The following CDYL variants were observed in gnomAD, a reference collection of about 807,000 sequenced individuals.
The protein encoded by CDYL is chromodomain Y like, also known as chromodomain Y-like protein.
A neutral mutation model predicts 47.3 loss-of-function variants in CDYL; 8 were observed. That is an observed-to-expected ratio of 0.17 (90% CI 0.10 to 0.31). The LOEUF (loss-of-function observed/expected upper bound fraction) is 0.31, where lower values mean the gene tolerates loss of function less well. CDYL is among the 10% of genes least tolerant of loss of function. The pLI, the probability that CDYL is intolerant of heterozygous loss-of-function variation, is 1.00. For synonymous variants in CDYL, 266 were observed against 265.0 expected (o/e 1.00, Z -0.04); for missense variants, 471 against 701.4 (o/e 0.67, Z 3.71).
At chr6:4,937,502 A>T (rs1758233795) in intron 3 of CDYL, 63 bp from the exon 4 acceptor site, 2 of 1,337,248 alleles carry the variant, frequency 1.5e-6, no homozygotes, top group Non-Finnish European at 2.0e-6. Context: ...TCCAAAAAAA[A>T]AAATGCTTTA....
intron 3 of CDYL, chr6:4,734,927 T>C (rs1757675477): frequency 6.4e-6 from 10 of 1,572,826 alleles, no homozygotes; most frequent in Admixed American, 3.6e-5. Flanking sequence ...CACACCACAC[T>C]CTCCCTTTAC....
At chr6:4,944,110 A>G (rs904757980) in intron 5 of CDYL, among the ~76,000 whole-genome samples, 6 of 152,248 alleles carry the variant, frequency 3.9e-5, no homozygotes, top group Non-Finnish European at 8.8e-5. Flanking sequence ...GCAAAGTTAC[A>G]TAGGATTAGA....
In CDYL at chr6:4,891,745, A is replaced by C. The variant is rs1383897072; in HGVS notation, c.57A>C (p.Lys19Asn). Reference sequence around the variant, plus strand: ...GGATTGTTGACAAAAGGAAAAATAAAAAAGGGAAGACAGAGTATTTGGTTC... The same window carrying C: ...GGATTGTTGACAAAAGGAAAAATAACAAAGGGAAGACAGAGTATTTGGTTC... ...VERIVDKRKN[K>N]KGKTEYLVRW... The change falls in exon 2 of 7, where the codon AAA becomes AAC. Residue 19 changes from lysine to asparagine, a missense_variant. This residue lies in a region of CDYL where 311 missense variants were observed against 350.0 expected (regional missense o/e 0.89). Transcript: ENST00000397588. The C allele has an allele frequency of 6.2e-7, 1 of 1,613,300 alleles. No individual in the cohort carries two copies. The highest frequency in any genetic ancestry group is 2.2e-5 in the East Asian group (1 of 44,884).
Position 4,776,701 on chromosome 6 carries a change from C to T in CDYL, c.-83C>T. ...AGCAGGAAGCGCAGGCCACGCAGGA[C>T]CCAACTGAAACAAAGTGTCGGCCGC... On this transcript the variant is annotated 5_prime_UTR_variant, in exon 1 of 7. Coordinates refer to ENST00000397588, the MANE Select transcript of CDYL (RefSeq NM_004824.4). 8.1e-7 allele frequency: 1 copy of T among 1,236,524 alleles called. No individual in the cohort carries two copies. The highest frequency in any genetic ancestry group is 1.0e-6 in the Non-Finnish European group (1 of 955,160). 76.6% of individuals were successfully genotyped at this position (1,236,524 alleles called of 1,614,324 possible). A position where few individuals can be genotyped will look rare whatever the true frequency, so the allele number is the denominator to read the frequency against.
chr6:4,829,921 C>CT (rs1436747652), intron 1 of CDYL, among the ~76,000 whole-genome samples: 1 of 152,220 alleles, frequency 6.6e-6, no homozygotes, highest in African/African-American at 2.4e-5. Flanking sequence ...TACCACAAAC[C>CT]TTTCCTGTAA....
intron 1 of CDYL, among the ~76,000 whole-genome samples, chr6:4,890,870 T>C (rs1187821237): frequency 6.6e-6 from 1 of 152,262 alleles, no homozygotes; most frequent in Non-Finnish European, 1.5e-5. Context: ...ACTGCAGATG[T>C]AATAACAGAT....
chr6:4,946,913 G>A (rs747468687), intron 5 of CDYL, among the ~76,000 whole-genome samples: 2 of 152,250 alleles, frequency 1.3e-5, no homozygotes, highest in Non-Finnish European at 2.9e-5. Flanking sequence ...TCACTCAGCA[G>A]GGCCCCCACC....
intron 2 of CDYL, chr6:4,928,585 T>C (rs1259122639): frequency 1.3e-5 from 2 of 152,174 alleles, no homozygotes; most frequent in Non-Finnish European, 2.9e-5. Context: ...GTGGTTTTGC[T>C]CTGTGGCATT....
At chr6:4,863,925 A>C (rs1761246434) in intron 1 of CDYL, among the ~76,000 whole-genome samples, 1 of 152,224 alleles carries the variant, frequency 6.6e-6, no homozygotes, top group South Asian at 2.1e-4. Flanking sequence ...AAGATCCTCA[A>C]GTTGAAACAC....
intron 1 of CDYL, among the ~76,000 whole-genome samples, chr6:4,781,385 T>C (rs921511453): frequency 2.0e-5 from 3 of 152,282 alleles, no homozygotes; most frequent in Non-Finnish European, 4.4e-5. Flanking sequence ...TAGGTCAGCG[T>C]ATGTTGTATA....
intron 3 of CDYL, among the ~76,000 whole-genome samples, chr6:4,761,115 C>T (rs528107806): frequency 1.3e-5 from 2 of 152,150 alleles, no homozygotes; most frequent in Non-Finnish European, 2.9e-5. Context: ...TTGCTCCCAA[C>T]TATTGTACAC....
intron 1 of CDYL, among the ~76,000 whole-genome samples, chr6:4,784,347 A>C (rs745687966): frequency 6.6e-6 from 1 of 152,118 alleles, no homozygotes; most frequent in Non-Finnish European, 1.5e-5. Flanking sequence ...TGAGAGTTAT[A>C]TTTTATTAAA....
chr6:4,929,492 T>TCACACACACACA (rs1757971690), intron 2 of CDYL, among the ~76,000 whole-genome samples: 1 of 26,682 alleles, frequency 3.7e-5, no homozygotes, highest in African/African-American at 9.7e-5. Context: ...AATGTTTTAC[T>TCACACACACACA]TACACACACA....
intron 2 of CDYL, among the ~76,000 whole-genome samples, chr6:4,730,112 G>C (rs993921172): frequency 3.9e-5 from 6 of 152,152 alleles, no homozygotes; most frequent in African/African-American, 1.4e-4. Context: ...GGTTCTGGGT[G>C]GCACAGTGAA....
chr6:4,935,386 G>T, intron 2 of CDYL, 129 bp from the exon 3 acceptor site: 1 of 832,092 alleles, frequency 1.2e-6, no homozygotes, highest in Non-Finnish European at 1.9e-6. Context: ...AAGGTTCTAA[G>T]TTTTAATATT....
intron 1 of CDYL, among the ~76,000 whole-genome samples, chr6:4,835,832 C>G (rs1760284242): frequency 6.6e-6 from 1 of 152,216 alleles, no homozygotes; most frequent in South Asian, 2.1e-4. Flanking sequence ...TGATCTCAGA[C>G]TGCTGTGCTA....
chr6:4,915,963 A>T (rs1349232461), intron 2 of CDYL, among the ~76,000 whole-genome samples: 3 of 152,212 alleles, frequency 2.0e-5, no homozygotes, highest in African/African-American at 7.2e-5. Context: ...TACTCTTGCA[A>T]CCAATTGCCA....
intron 2 of CDYL, among the ~76,000 whole-genome samples, chr6:4,731,103 G>A (rs1475831688): frequency 6.6e-6 from 1 of 152,176 alleles, no homozygotes; most frequent in African/African-American, 2.4e-5. Context: ...ATCCTGACTA[G>A]TGCGAATACT....
At chr6:4,798,247 A>G (rs1413647148) in intron 1 of CDYL, among the ~76,000 whole-genome samples, 1 of 152,210 alleles carries the variant, frequency 6.6e-6, no homozygotes, top group African/African-American at 2.4e-5. Flanking sequence ...TGCTAGGATT[A>G]CATGCATGAG....
Sources: allele counts gnomAD v4.1 joint callset (sites outside exome capture counted in the v4.1 genomes callset), GRCh38; gene constraint gnomAD v4.1.1; regional missense constraint gnomAD v4.1.1; transcripts MANE v1.5; gene names NCBI Gene and HGNC (gene_info 2026-07-23, HGNC 2026-07-21).